Variants in RNGTT observed in about 807,000 individuals in gnomAD.
RNGTT encodes RNA guanylyltransferase and 5'-phosphatase.
In RNGTT, 33 loss-of-function variants were observed where a neutral mutation model predicts 79.3. That is an observed-to-expected ratio of 0.42 (90% CI 0.32 to 0.56). The LOEUF (loss-of-function observed/expected upper bound fraction) is 0.56. Ranked by LOEUF, RNGTT falls within the 20% of genes least tolerant of loss-of-function variation. RNGTT has a pLI of 0.17. For missense variants in RNGTT, 497 were observed against 739.1 expected, an observed-to-expected ratio of 0.67 and a Z score of 3.80; for synonymous variants, 222 against 235.9, an observed-to-expected ratio of 0.94 and a Z score of 0.54.
rs543724793 is a variant in RNGTT at position 88,744,550 on chromosome 6, G to A, written c.1439+25224C>T. 1.4e-4 allele frequency among the ~76,000 whole-genome samples: 22 copies of A among 152,224 alleles called. No homozygotes were observed. The South Asian group carries it at 4.4e-3, about 30-fold the overall frequency. The stretch of plus-strand genomic sequence containing the variant: ...GCTGGTATAACAGGCATGAGCCACC[G>A]TGCCCGGCCTGTTCTTACTACTCTT... On this transcript the variant is annotated intron_variant, in intron 13 of 15. Coordinates refer to ENST00000369485, the MANE Select transcript of RNGTT (RefSeq NM_003800.5).
At chr6:88,937,156 C>T (rs1203936998) in intron 2 of RNGTT, among the ~76,000 whole-genome samples, 2 of 152,046 alleles carry the variant, frequency 1.3e-5, no homozygotes, top group Non-Finnish European at 2.9e-5. Flanking sequence ...CCAGTCTGAC[C>T]ACCATGAAGA....
chr6:88,871,562 A>G (rs1161890285), intron 8 of RNGTT, among the ~76,000 whole-genome samples: 1 of 152,168 alleles, frequency 6.6e-6, no homozygotes, highest in Non-Finnish European at 1.5e-5. Context: ...TTATAAACAG[A>G]CTACTACTTT....
At chr6:88,802,108 T>C (rs1372774202) in intron 11 of RNGTT, among the ~76,000 whole-genome samples, 1 of 152,102 alleles carries the variant, frequency 6.6e-6, no homozygotes, top group Non-Finnish European at 1.5e-5. Context: ...AATTTGTAAC[T>C]ACAAACTAGC....
At chr6:88,839,437 G>T (rs781151818) in intron 11 of RNGTT, among the ~76,000 whole-genome samples, 38 of 152,082 alleles carry the variant, frequency 2.5e-4, no homozygotes, top group Admixed American at 1.2e-3. Context: ...AGGAATGGTG[G>T]TTCCGGTCTA....
intron 13 of RNGTT, among the ~76,000 whole-genome samples, chr6:88,688,853 G>A (rs1775373640): frequency 6.6e-6 from 1 of 152,070 alleles, no homozygotes; most frequent in African/African-American, 2.4e-5. Flanking sequence ...ATGATGACAA[G>A]GATGAAGACT....
chr6:88,617,162 C>T (rs1279798499), intron 14 of RNGTT, among the ~76,000 whole-genome samples: 6 of 152,222 alleles, frequency 3.9e-5, no homozygotes, highest in South Asian at 2.1e-4. Context: ...CCCAGCTACT[C>T]GGGAGGCTGA....
At chr6:88,625,603 G>C (rs1407827693) in intron 14 of RNGTT, among the ~76,000 whole-genome samples, 1 of 151,750 alleles carries the variant, frequency 6.6e-6, no homozygotes, top group Non-Finnish European at 1.5e-5. Context: ...GTTGTCATGT[G>C]GGGCTCTTTT....
At position 88,769,882 on chromosome 6, in the gene RNGTT, C is replaced by A; in HGVS notation, c.1339-8G>T. 2 of 1,577,468 alleles carry A rather than the reference C, an allele frequency of 1.3e-6. No homozygotes were observed. Among genetic ancestry groups the A allele is most frequent in the South Asian group, 1.1e-5 (1 of 88,702 alleles). ...TCGACCAGGTTTGTATTTCTAAAGC[C>A]AATTAAAATGATGACAATCGTTACT... is the stretch of plus-strand genomic sequence containing the variant. On this transcript the variant is annotated splice_region_variant and splice_polypyrimidine_tract_variant and intron_variant, in intron 12 of 15. Transcript: ENST00000369485.
chr6:88,899,805 C>T (rs558518781), intron 6 of RNGTT, among the ~76,000 whole-genome samples: 4 of 152,232 alleles, frequency 2.6e-5, no homozygotes, highest in African/African-American at 7.2e-5. Flanking sequence ...AGAAGCTGAA[C>T]AGAAATTTCA....
chr6:88,951,764 C>CT (rs1292033054), intron 1 of RNGTT, among the ~76,000 whole-genome samples: 4 of 152,200 alleles, frequency 2.6e-5, no homozygotes, highest in African/African-American at 9.7e-5. Flanking sequence ...CTTGTAGGCA[C>CT]TCCCAGTCTC....
At chr6:88,901,037 G>A (rs1783437344) in intron 6 of RNGTT, among the ~76,000 whole-genome samples, 2 of 151,724 alleles carry the variant, frequency 1.3e-5, no homozygotes, top group African/African-American at 2.4e-5. Flanking sequence ...AGCTACTTGG[G>A]AGGCTGAGGC....
At position 88,678,437 on chromosome 6, in the gene RNGTT, C is replaced by A; in HGVS notation, c.1440-18G>T. On this transcript the variant is annotated intron_variant, in intron 13 of 15. Transcript: ENST00000369485. The stretch of plus-strand genomic sequence containing the variant: ...GAAGTAACCTACAAAGAAAAAAAAG[C>A]ATTATTTATAAAATACTCCTTCTTA... 7.2e-7 allele frequency: 1 copy of A among 1,380,836 alleles called. No individual in the cohort carries two copies. Among genetic ancestry groups the A allele is most frequent in the Non-Finnish European group, 9.5e-7 (1 of 1,056,574 alleles). The allele number at this position is 1,380,836 out of a possible 1,614,324, so 85.5% of individuals were successfully genotyped here.
intron 13 of RNGTT, among the ~76,000 whole-genome samples, chr6:88,754,652 A>G (rs952360893): frequency 1.3e-5 from 2 of 152,202 alleles, no homozygotes; most frequent in African/African-American, 4.8e-5. Flanking sequence ...CATGTTCGTG[A>G]TGGCCATGAT....
chr6:88,789,509 G>A (rs1290759780), intron 12 of RNGTT, among the ~76,000 whole-genome samples: 1 of 152,166 alleles, frequency 6.6e-6, no homozygotes, highest in African/African-American at 2.4e-5. Flanking sequence ...GCAGTGAGCC[G>A]AGATTGCACC....
At chr6:88,853,429 C>T (rs1290555162) in intron 9 of RNGTT, among the ~76,000 whole-genome samples, 200 bp downstream of exon 9, 1 of 150,744 alleles carries the variant, frequency 6.6e-6, no homozygotes, top group Non-Finnish European at 1.5e-5. Flanking sequence ...CACTTGAACC[C>T]AGGAGGCAAA....
At chr6:88,896,958 C>T (rs1460094524) in intron 6 of RNGTT, among the ~76,000 whole-genome samples, 1 of 152,192 alleles carries the variant, frequency 6.6e-6, no homozygotes, top group Non-Finnish European at 1.5e-5. Context: ...CTCCATGGCA[C>T]TACCACAATC....
intron 12 of RNGTT, among the ~76,000 whole-genome samples, chr6:88,786,923 G>T (rs947407898): frequency 6.6e-6 from 1 of 152,096 alleles, no homozygotes; most frequent in African/African-American, 2.4e-5. Flanking sequence ...CCTTAGAAAA[G>T]AGACCCAGGA....
At chr6:88,829,146 G>C (rs1780764952) in intron 11 of RNGTT, among the ~76,000 whole-genome samples, 1 of 152,162 alleles carries the variant, frequency 6.6e-6, no homozygotes, top group African/African-American at 2.4e-5. Context: ...AGAAAGGTCG[G>C]GTTACCCACA....
At chr6:88,763,969 G>C (rs1778359045) in intron 13 of RNGTT, among the ~76,000 whole-genome samples, 1 of 152,160 alleles carries the variant, frequency 6.6e-6, no homozygotes, top group Non-Finnish European at 1.5e-5. Flanking sequence ...TCATGCTATA[G>C]TATAAGCTGC....
Sources: allele counts gnomAD v4.1 joint callset (sites outside exome capture counted in the v4.1 genomes callset), GRCh38; gene constraint gnomAD v4.1.1; transcripts MANE v1.5; gene names NCBI Gene and HGNC (gene_info 2026-07-23, HGNC 2026-07-21).